PARP14: variants seen among roughly 807,000 people sequenced by gnomAD.
The protein encoded by PARP14 is poly(ADP-ribose) polymerase family member 14.
Under a neutral mutation model 154.2 loss-of-function variants are expected in PARP14, and 59 were observed. That is an observed-to-expected ratio of 0.38 (90% confidence interval 0.31 to 0.48). The LOEUF is 0.48. Among genes scored for constraint, PARP14 ranks in the 20% least tolerant of loss-of-function variants. The probability of loss-of-function intolerance (pLI) is 0.98; values close to 1 mark genes in which losing one functional copy is unlikely to be tolerated. For missense variants in PARP14, 1,734 were observed against 2,131.6 expected (o/e 0.81, Z 3.67); for synonymous variants, 720 against 780.5 (o/e 0.92, Z 1.29).
chr3:122,700,920 G>A lies in PARP14; in HGVS notation c.2366G>A (p.Gly789Glu). 1 of 1,614,030 alleles carries A rather than the reference G, an allele frequency of 6.2e-7. No homozygotes were observed. The change falls in exon 6 of 17, where the codon GGG becomes GAG. Residue 789 changes from glycine to glutamate, a missense_variant. This residue lies in a region of PARP14 where 1,646 missense variants were observed against 1,976.0 expected (regional missense o/e 0.83). Transcript: ENST00000474629. Reference protein sequence around the residue: ...EVMKEGGSPAGQKCFSRTVLA... With the variant: ...EVMKEGGSPAEQKCFSRTVLA... Reference sequence around the variant, plus strand: ...ATGAAGGAGGGAGGCAGCCCCGCTGGGCAGAAGTGCTTCTCTCGGACAGTC... The same window carrying A: ...ATGAAGGAGGGAGGCAGCCCCGCTGAGCAGAAGTGCTTCTCTCGGACAGTC...
intron 15 of PARP14, chr3:122,722,295 T>C (rs537921588): frequency 8.3e-4 from 127 of 152,218 alleles, no homozygotes; most frequent in Middle Eastern, 3.4e-3. Context: ...ACCAAGACAA[T>C]ATGATTCAAG....
At chr3:122,688,965 T>C (rs971109767) in intron 3 of PARP14, among the ~76,000 whole-genome samples, 1 of 152,100 alleles carries the variant, frequency 6.6e-6, no homozygotes, top group African/African-American at 2.4e-5. Flanking sequence ...TGTTCCAGGA[T>C]AAGCTTAGTT....
chr3:122,683,080 AAG>A (rs1938264449), intron 1 of PARP14, among the ~76,000 whole-genome samples: 1 of 151,820 alleles, frequency 6.6e-6, no homozygotes, highest in African/African-American at 2.4e-5. Context: ...AACAAACAAA[AAG>A]AAACAAACAA....
chr3:122,709,894 T>G (rs1236042990), intron 9 of PARP14, among the ~76,000 whole-genome samples: 1 of 137,782 alleles, frequency 7.3e-6, no homozygotes, highest in Admixed American at 7.5e-5. Context: ...GATTATTTGT[T>G]TTTTTTTTTG....
intron 15 of PARP14, among the ~76,000 whole-genome samples, chr3:122,725,218 C>T (rs2107656324): frequency 6.6e-6 from 1 of 152,294 alleles, no homozygotes; most frequent in East Asian, 1.9e-4. Context: ...CGCTCACTTC[C>T]CATACGGGGC....
At chr3:122,684,214 A>T (rs534256172) in intron 1 of PARP14, among the ~76,000 whole-genome samples, 1 of 152,258 alleles carries the variant, frequency 6.6e-6, no homozygotes, top group South Asian at 2.1e-4. Context: ...CCCAACATTC[A>T]TGCTAGAGCT....
chr3:122,723,263 AGTT>A (rs1933204060), intron 15 of PARP14, among the ~76,000 whole-genome samples: 1 of 152,074 alleles, frequency 6.6e-6, no homozygotes, highest in African/African-American at 2.4e-5. Context: ...TAATTTTTCC[AGTT>A]GTTCAAAAAA....
At chr3:122,727,081 A>G (rs2107657195) in intron 15 of PARP14, among the ~76,000 whole-genome samples, 1 of 151,592 alleles carries the variant, frequency 6.6e-6, no homozygotes, top group East Asian at 2.0e-4. Context: ...TTCTGACAAC[A>G]TGGACAACAG....
intron 2 of PARP14, 74 bp from the exon 3 acceptor site, chr3:122,687,006 G>C (rs1938394317): frequency 9.8e-7 from 1 of 1,022,048 alleles, no homozygotes; most frequent in Non-Finnish European, 1.5e-6. Flanking sequence ...TCTCCAGGCT[G>C]GTCCCAGGGA....
Position 122,700,726 on chromosome 3 carries a change from A to G in PARP14, c.2172A>G (p.Val724=). The change falls in exon 6 of 17, where the codon GTA becomes GTG. Residue 724 remains valine (V), a synonymous_variant. Transcript: ENST00000474629. ...TACTAACTGGCTCAAAGACCGAAGTACTGAAGGCAGTGGACATTGTCAAGC... is the reference window on the plus strand; with the variant it reads ...TACTAACTGGCTCAAAGACCGAAGTGCTGAAGGCAGTGGACATTGTCAAGC... ...GILLTGSKTE[V]LKAVDIVKQV... 6.2e-7 allele frequency: 1 copy of G among 1,613,200 alleles called. No homozygotes were observed. The highest frequency in any genetic ancestry group is 8.5e-7 in the Non-Finnish European group (1 of 1,179,556).
In PARP14 at chr3:122,701,674, G is replaced by A; in HGVS notation, c.3081+39G>A. On this transcript the variant is annotated intron_variant, in intron 6 of 16. Coordinates refer to ENST00000474629, the MANE Select transcript of PARP14 (RefSeq NM_017554.3). This position sits in a 1 kb window ranked among gnomAD's most constrained non-coding sequence, Gnocchi z 4.0. Reference sequence around the variant, plus strand: ...TTACAGAACACCACCAGGGCACTGTGACTTTACTTAGTCAGTGGCTCTCTC... The same window carrying A: ...TTACAGAACACCACCAGGGCACTGTAACTTTACTTAGTCAGTGGCTCTCTC... 10 of 1,413,102 alleles carry A rather than the reference G, an allele frequency of 7.1e-6. No homozygotes were observed. The highest frequency in any genetic ancestry group is 9.6e-6 in the Non-Finnish European group (10 of 1,045,664). The allele number at this position is 1,413,102 out of a possible 1,614,324, so 87.5% of individuals were successfully genotyped here.
chr3:122,713,869 T>C lies in PARP14; in HGVS notation c.3770-3T>C, dbSNP rs545148038. The C allele has an allele frequency of 7.8e-5, 125 of 1,600,902 alleles. No individual in the cohort carries two copies. In the East Asian group the frequency reaches 2.8e-3, roughly 35 times the overall value. ...TTGTTATCATCTTGATTTTCTCATG[T>C]AGGGGTCTCCAAAGCAATTTTAGAA... On this transcript the variant is annotated splice_region_variant and splice_polypyrimidine_tract_variant and intron_variant, in intron 10 of 16. Transcript: ENST00000474629.
chr3:122,693,899 A>G (rs1181391639), intron 4 of PARP14, among the ~76,000 whole-genome samples: 6 of 152,116 alleles, frequency 3.9e-5, no homozygotes. Context: ...TTAACGTAGT[A>G]CCTGAGACGT....
chr3:122,692,593 G>A lies in PARP14; in HGVS notation c.598+50G>A, dbSNP rs953973441. On this transcript the variant is annotated intron_variant, in intron 4 of 16. Transcript: ENST00000474629. ...GCCTGTCTTCTTTGTACCACATCAT[G>A]AGACTTGAGATACCTCTTAGGGGGA... 36 of 1,515,498 alleles carry A rather than the reference G, an allele frequency of 2.4e-5. 1 individual carries two copies. Among genetic ancestry groups the A allele is most frequent in the Middle Eastern group, 1.7e-4 (1 of 5,740 alleles). The allele number at this position is 1,515,498 out of a possible 1,614,324, so 93.9% of individuals were successfully genotyped here.
intron 3 of PARP14, 83 bp from the exon 4 acceptor site, chr3:122,692,218 C>T: frequency 8.7e-7 from 1 of 1,147,736 alleles, no homozygotes; most frequent in Non-Finnish European, 1.3e-6. Context: ...GGAGAGAGGG[C>T]AGTGCCTTGT....
In PARP14 at chr3:122,681,164, G is replaced by T. The variant is rs1034008412; in HGVS notation, c.187+94G>T. 1 of 488,382 alleles carries T rather than the reference G, an allele frequency of 2.0e-6. No individual in the cohort carries two copies. The highest frequency in any genetic ancestry group is 2.1e-5 in the South Asian group (1 of 48,620). The allele number at this position is 488,382 out of a possible 1,614,324, so 30.3% of individuals were successfully genotyped here. A position where few individuals can be genotyped will look rare whatever the true frequency, so the allele number is the denominator to read the frequency against. On this transcript the variant is annotated intron_variant, in intron 1 of 16. Coordinates refer to ENST00000474629, the MANE Select transcript of PARP14 (RefSeq NM_017554.3). This position sits in a 1 kb window ranked among gnomAD's most constrained non-coding sequence, Gnocchi z 5.5. ...GCACGCACGGGAGGGTGACCCGCCC[G>T]ACTTCGGCGGCTGCTGTAGCGGAGG... is the stretch of plus-strand genomic sequence containing the variant.
chr3:122,713,740 C>T (rs1939394850), intron 10 of PARP14, 132 bp from the exon 11 acceptor site: 1 of 871,436 alleles, frequency 1.1e-6, no homozygotes, highest in Non-Finnish European at 1.8e-6. Flanking sequence ...AAGTTTTCTT[C>T]TTTGTCATCA....
intron 7 of PARP14, 107 bp downstream of exon 7, chr3:122,704,085 T>C (rs1939072114): frequency 1.4e-6 from 1 of 737,856 alleles, no homozygotes; most frequent in Non-Finnish European, 2.3e-6. Flanking sequence ...TTCTCTTCCA[T>C]AATAATCACT....
chr3:122,701,190 A>G lies in PARP14; in HGVS notation c.2636A>G (p.His879Arg). 6.2e-7 allele frequency: 1 copy of G among 1,613,544 alleles called. No individual in the cohort carries two copies. The highest frequency in any genetic ancestry group is 8.5e-7 in the Non-Finnish European group (1 of 1,179,660). ...AAGCTGCCCTACCACCACGTGATCC[A>G]TGCAGTGGGGCCCCGCTGGAGCGGA... ...AGKLPYHHVIHAVGPRWSGYE... is the reference protein window; with the variant it reads ...AGKLPYHHVIRAVGPRWSGYE... The change falls in exon 6 of 17, where the codon CAT becomes CGT. Residue 879 changes from histidine to arginine, a missense_variant. Coordinates refer to ENST00000474629, the MANE Select transcript of PARP14 (RefSeq NM_017554.3). This position sits in a 1 kb window ranked among gnomAD's most constrained non-coding sequence, Gnocchi z 4.0.
Sources: gnomAD v4.1 joint callset for allele counts (sites outside exome capture counted in the v4.1 genomes callset) on GRCh38, gnomAD v4.1.1 for gene constraint, gnomAD v4.1.1 regional missense constraint, Gnocchi (gnomAD v3.1) non-coding constraint, MANE v1.5 for transcripts, NCBI Gene and HGNC (gene_info 2026-07-23, HGNC 2026-07-21) for gene names.